SLC4A1AP: variants seen among roughly 807,000 people sequenced by gnomAD.
SLC4A1AP encodes solute carrier family 4 member 1 adaptor protein, also known as kanadaptin.
Under a neutral mutation model 89.7 loss-of-function variants are expected in SLC4A1AP, and 64 were observed. The observed-to-expected ratio is 0.71, with a 90% confidence interval of 0.58 to 0.88. SLC4A1AP has a LOEUF of 0.88. SLC4A1AP is among the 40% of genes least tolerant of loss of function. The pLI, the probability that SLC4A1AP is intolerant of heterozygous loss-of-function variation, is 0.00. For synonymous variants in SLC4A1AP, 366 were observed against 353.3 expected, an observed-to-expected ratio of 1.04 and a Z score of -0.40; for missense variants, 931 against 965.0, an observed-to-expected ratio of 0.96 and a Z score of 0.47.
At chr2:27,686,304 G>A (rs192133652) in intron 10 of SLC4A1AP, among the ~76,000 whole-genome samples, 47 of 152,292 alleles carry the variant, frequency 3.1e-4, no homozygotes, top group Middle Eastern at 6.8e-3. Flanking sequence ...TTTCAAAAAG[G>A]TACTTACATG....
chr2:27,682,218 T>C, intron 8 of SLC4A1AP, 30 bp from the exon 9 acceptor site: 1 of 1,451,134 alleles, frequency 6.9e-7, no homozygotes, highest in Non-Finnish European at 9.6e-7. Context: ...CTCCCTGGAA[T>C]AGATGTGTAT....
chr2:27,669,712 A>T (rs868531949), intron 5 of SLC4A1AP, among the ~76,000 whole-genome samples: 1 of 152,108 alleles, frequency 6.6e-6, no homozygotes. Flanking sequence ...TATTTTTGAG[A>T]TGGAGTCTCA....
At chr2:27,664,163 C>A in exon 1 of SLC4A1AP, 1 of 1,614,166 alleles carries the variant, frequency 6.2e-7, no homozygotes, top group East Asian at 2.2e-5. Flanking sequence ...AGCAGTCGCG[C>A]CCCCCGACAG....
chr2:27,694,240 AGTT>A (rs1675836095), intron 13 of SLC4A1AP, among the ~76,000 whole-genome samples: 1 of 152,196 alleles, frequency 6.6e-6, no homozygotes, highest in African/African-American at 2.4e-5. Context: ...AAATCATAAA[AGTT>A]AACCTGCTGG....
intron 8 of SLC4A1AP, 73 bp from the exon 9 acceptor site, chr2:27,682,175 A>G: frequency 1.1e-6 from 1 of 905,482 alleles, no homozygotes; most frequent in Non-Finnish European, 1.7e-6. Flanking sequence ...TTTCTTTGTC[A>G]GTATCATGGT....
chr2:27,670,544 A>G (rs886478706), intron 5 of SLC4A1AP, among the ~76,000 whole-genome samples: 3 of 152,020 alleles, frequency 2.0e-5, no homozygotes, highest in Middle Eastern at 3.4e-3. Flanking sequence ...TCAGTTATTT[A>G]TTCTGGCATT....
At chr2:27,668,901 G>A in exon 4 of SLC4A1AP, 1 of 1,613,872 alleles carries the variant, frequency 6.2e-7, no homozygotes, top group East Asian at 2.2e-5. Context: ...TCTGCAGGGT[G>A]AGGTATGCTC....
intron 10 of SLC4A1AP, among the ~76,000 whole-genome samples, chr2:27,687,351 A>C (rs1255479213): frequency 1.3e-5 from 2 of 152,080 alleles, no homozygotes; most frequent in African/African-American, 4.8e-5. Context: ...GGGAGGCCGA[A>C]GTAGGAGAAT....
chr2:27,680,720 T>G (rs1675605154), intron 8 of SLC4A1AP, among the ~76,000 whole-genome samples: 1 of 151,124 alleles, frequency 6.6e-6, no homozygotes, highest in Non-Finnish European at 1.5e-5. Context: ...GAGAGTGAGG[T>G]TGCAAGACCC....
At chr2:27,688,460 C>T (rs1033271617) in intron 11 of SLC4A1AP, among the ~76,000 whole-genome samples, 7 of 152,004 alleles carry the variant, frequency 4.6e-5, no homozygotes, top group Admixed American at 2.6e-4. Context: ...TAAACTTGTT[C>T]GCATAATGTG....
At position 27,685,030 on chromosome 2, in the gene SLC4A1AP, C is replaced by T. The variant is rs1166959207; in HGVS notation, c.1876-7C>T. 14 of 1,587,422 alleles carry T rather than the reference C, an allele frequency of 8.8e-6. No individual in the cohort carries two copies. The highest frequency in any genetic ancestry group is 2.3e-5 in the South Asian group (2 of 86,096). On this transcript the variant is annotated splice_region_variant and splice_polypyrimidine_tract_variant and intron_variant, in intron 9 of 13. Coordinates refer to ENST00000613058, the Ensembl canonical transcript of SLC4A1AP. ...ACTACTTGTTCATGGTTTTGTTTCCCTCTTAGAAGTTACCCCCCAAGCGTC... is the reference window on the plus strand; with the variant it reads ...ACTACTTGTTCATGGTTTTGTTTCCTTCTTAGAAGTTACCCCCCAAGCGTC...
chr2:27,665,100 G>A (rs1675289840), exon 2 of SLC4A1AP: 1 of 1,606,822 alleles, frequency 6.2e-7, no homozygotes, highest in Admixed American at 1.7e-5. Context: ...GGTTCATCAG[G>A]GACCAGAGGA....
intron 9 of SLC4A1AP, among the ~76,000 whole-genome samples, chr2:27,684,629 G>A (rs181069350): frequency 2.6e-5 from 4 of 152,100 alleles, no homozygotes; most frequent in Admixed American, 2.6e-4. Flanking sequence ...TTGAAATTAC[G>A]CTAAGTCTAA....
intron 5 of SLC4A1AP, among the ~76,000 whole-genome samples, chr2:27,672,710 A>G (rs959502716): frequency 6.6e-6 from 1 of 152,154 alleles, no homozygotes; most frequent in African/African-American, 2.4e-5. Flanking sequence ...GGGTTTCTGC[A>G]TGGAATATAT....
intron 5 of SLC4A1AP, among the ~76,000 whole-genome samples, chr2:27,670,217 C>T (rs906458605): frequency 6.6e-6 from 1 of 151,916 alleles, no homozygotes; most frequent in Admixed American, 6.5e-5. Flanking sequence ...AGGCTGGTCT[C>T]GAACTCCTGA....
chr2:27,677,442 A>T (rs1675542576), intron 7 of SLC4A1AP, 78 bp downstream of exon 7: 4 of 947,358 alleles, frequency 4.2e-6, no homozygotes, highest in South Asian at 2.8e-5. Flanking sequence ...ATTAGTTAAT[A>T]AGAAATACCA....
At chr2:27,668,677 T>C (rs770314190) in intron 3 of SLC4A1AP, 166 bp from the exon 4 acceptor site, 1 of 719,936 alleles carries the variant, frequency 1.4e-6, no homozygotes, top group Non-Finnish European at 2.5e-6. Flanking sequence ...TTCGCGCTCC[T>C]TAACTCAAGC....
intron 12 of SLC4A1AP, among the ~76,000 whole-genome samples, chr2:27,689,632 G>A (rs1012679812): frequency 4.6e-5 from 7 of 152,184 alleles, no homozygotes; most frequent in Non-Finnish European, 8.8e-5. Context: ...TTTTATTGGC[G>A]ACTGATCACA....
At chr2:27,677,145 A>G in intron 6 of SLC4A1AP, 150 bp from the exon 7 acceptor site, 1 of 669,236 alleles carries the variant, frequency 1.5e-6, no homozygotes, top group Non-Finnish European at 2.7e-6. Flanking sequence ...CTCAAAACAA[A>G]AAAAAAAGTG....
Sources: gnomAD v4.1 joint callset for allele counts (sites outside exome capture counted in the v4.1 genomes callset) on GRCh38, gnomAD v4.1.1 for gene constraint, MANE v1.5 for transcripts, NCBI Gene and HGNC (gene_info 2026-07-23, HGNC 2026-07-21) for gene names.